Variants in UBE2G1 observed in about 807,000 individuals in gnomAD.
The protein encoded by UBE2G1 is ubiquitin-conjugating enzyme E2 G1.
A neutral mutation model predicts 22.7 loss-of-function variants in UBE2G1; 5 were observed. The observed-to-expected ratio is 0.22, with a 90% CI of 0.12 to 0.46. The LOEUF (loss-of-function observed/expected upper bound fraction) is 0.46, where lower values mean the gene tolerates loss of function less well. Among genes scored for constraint, UBE2G1 ranks in the 20% least tolerant of loss-of-function variants. The probability of loss-of-function intolerance (pLI) is 0.99; values close to 1 mark genes in which losing one functional copy is unlikely to be tolerated. For missense variants in UBE2G1, 88 were observed against 203.9 expected, an observed-to-expected ratio of 0.43 and a Z score of 3.46; for synonymous variants, 74 against 67.5, an observed-to-expected ratio of 1.10 and a Z score of -0.47.
intron 3 of UBE2G1, 91 bp from the exon 4 acceptor site, chr17:4,289,499 T>G: frequency 7.5e-7 from 1 of 1,332,690 alleles, no homozygotes; most frequent in Non-Finnish European, 1.0e-6. Flanking sequence ...ATTCACACAG[T>G]ACCTTTATCA....
chr17:4,357,500 T>TG (rs1277032992), intron 1 of UBE2G1, among the ~76,000 whole-genome samples: 2 of 11,996 alleles, frequency 1.7e-4, no homozygotes, highest in African/African-American at 5.5e-4. Context: ...GTTGTGTGTG[T>TG]GTGTGTGTGG....
intron 1 of UBE2G1, among the ~76,000 whole-genome samples, chr17:4,343,851 T>G (rs894374694): frequency 6.6e-6 from 1 of 152,072 alleles, no homozygotes; most frequent in African/African-American, 2.4e-5. Flanking sequence ...TCTCCCAAAG[T>G]GCTGGGATTA....
chr17:4,304,169 T>C (rs941583938), intron 2 of UBE2G1, among the ~76,000 whole-genome samples: 1 of 152,132 alleles, frequency 6.6e-6, no homozygotes, highest in African/African-American at 2.4e-5. Flanking sequence ...CTTATTTTTG[T>C]ATTTTTTTTT....
In UBE2G1 at chr17:4,335,761, C is replaced by T. The variant is rs139952581; in HGVS notation, c.47-28638G>A. Among the ~76,000 whole-genome samples the T allele has an allele frequency of 2.3e-3, 345 of 152,202 alleles. 1 individual carries two copies. Among genetic ancestry groups the T allele is most frequent in the African/African-American group, 7.7e-3 (319 of 41,516 alleles). ...AAATAACGAAGCACACAACCACCAA[C>T]GGTATCTTAGACATAACGAAATACA... On this transcript the variant is annotated intron_variant, in intron 1 of 5. Coordinates refer to ENST00000396981, the MANE Select transcript of UBE2G1 (RefSeq NM_003342.5).
At position 4,295,782 on chromosome 17, in the gene UBE2G1, T is replaced by G. The variant is rs530842902; in HGVS notation, c.247+935A>C. Among the ~76,000 whole-genome samples the G allele has an allele frequency of 6.6e-5, 10 of 151,628 alleles. No homozygotes were observed. In the South Asian group the frequency reaches 2.1e-3, roughly 32 times the overall value. ...CTTTATAGAGAATTTTTTTTTTAATTTTTAAATAAGACGTAGTTATTGGGG... is the reference window on the plus strand; with the variant it reads ...CTTTATAGAGAATTTTTTTTTTAATGTTTAAATAAGACGTAGTTATTGGGG... On this transcript the variant is annotated intron_variant, in intron 3 of 5. Transcript: ENST00000396981.
chr17:4,302,545 TG>T, intron 2 of UBE2G1: 2 of 394,578 alleles, frequency 5.1e-6, no homozygotes, highest in Admixed American at 2.8e-5. Flanking sequence ...TACTGGACAC[TG>T]GGGGATATTT....
chr17:4,305,278 G>T (rs1468608632), intron 2 of UBE2G1, among the ~76,000 whole-genome samples: 1 of 152,118 alleles, frequency 6.6e-6, no homozygotes, highest in Non-Finnish European at 1.5e-5. Context: ...CATGGTTCTT[G>T]GTAGCATTCT....
intron 1 of UBE2G1, among the ~76,000 whole-genome samples, chr17:4,313,813 G>A (rs1969338187): frequency 6.6e-6 from 1 of 152,118 alleles, no homozygotes. Flanking sequence ...CTGTTAAATG[G>A]GAGTTATGCT....
chr17:4,359,150 G>GAA (rs1271313745), intron 1 of UBE2G1, among the ~76,000 whole-genome samples: 1 of 151,934 alleles, frequency 6.6e-6, no homozygotes, highest in Non-Finnish European at 1.5e-5. Context: ...TTGATAAAAG[G>GAA]AAAAGTGTCT....
chr17:4,319,916 C>G (rs531779890), intron 1 of UBE2G1, among the ~76,000 whole-genome samples: 1 of 151,876 alleles, frequency 6.6e-6, no homozygotes, highest in African/African-American at 2.4e-5. Context: ...GTTACCAACC[C>G]CATGTAAATG....
In UBE2G1 at chr17:4,360,758, A is replaced by C. The variant is rs2143834290; in HGVS notation, c.46+5513T>G. Among the ~76,000 whole-genome samples, 3 of 152,204 alleles carry C rather than the reference A, an allele frequency of 2.0e-5. No homozygotes were observed. The South Asian group carries it at 6.2e-4, about 32-fold the overall frequency. The stretch of plus-strand genomic sequence containing the variant: ...GAAACCCCATCTCTACTAAAAATAC[A>C]AAATTAGCCAGGTGTAGTGGCACAT... On this transcript the variant is annotated intron_variant, in intron 1 of 5. Transcript: ENST00000396981.
chr17:4,275,129 G>A (rs896834368), intron 5 of UBE2G1, among the ~76,000 whole-genome samples: 1 of 151,992 alleles, frequency 6.6e-6, no homozygotes, highest in Non-Finnish European at 1.5e-5. Context: ...AAAATCAGGC[G>A]ACCTAGCCTT....
chr17:4,348,806 A>G (rs965825974), intron 1 of UBE2G1, among the ~76,000 whole-genome samples: 1 of 151,976 alleles, frequency 6.6e-6, no homozygotes, highest in Non-Finnish European at 1.5e-5. Flanking sequence ...GGTTGCAGTC[A>G]GCTGAGATTA....
chr17:4,307,562 T>C (rs2064341840), intron 1 of UBE2G1, among the ~76,000 whole-genome samples: 1 of 152,242 alleles, frequency 6.6e-6, no homozygotes, highest in African/African-American at 2.4e-5. Flanking sequence ...GCTTAATAAC[T>C]TTCATTTATA....
intron 1 of UBE2G1, among the ~76,000 whole-genome samples, chr17:4,315,803 T>A (rs1969362573): frequency 6.2e-5 from 2 of 32,036 alleles, no homozygotes; most frequent in South Asian, 4.2e-3. Context: ...GAGGCTCCTT[T>A]TTTTTTTTTT....
Position 4,316,756 on chromosome 17 carries a change from G to A in UBE2G1, c.47-9633C>T, listed in dbSNP as rs1295727919. On this transcript the variant is annotated intron_variant, in intron 1 of 5. Coordinates refer to ENST00000396981, the MANE Select transcript of UBE2G1 (RefSeq NM_003342.5). The stretch of plus-strand genomic sequence containing the variant: ...TCTCAGTGCTTTGGGAGGTCAAGGT[G>A]GGAGGATCGCTTAAGGGCAGGAGTT... Among the ~76,000 whole-genome samples the A allele has an allele frequency of 2.0e-5, 3 of 151,886 alleles. No homozygotes were observed. In the South Asian group the frequency reaches 6.2e-4, roughly 32 times the overall value.
intron 1 of UBE2G1, chr17:4,335,323 A>C (rs976787180): frequency 6.6e-6 from 1 of 152,168 alleles, no homozygotes; most frequent in Non-Finnish European, 1.5e-5. Flanking sequence ...GAAGTAGGTC[A>C]CCTACAAAGG....
In UBE2G1 at chr17:4,314,525, A is replaced by T. The variant is rs563453763; in HGVS notation, c.47-7402T>A. On this transcript the variant is annotated intron_variant, in intron 1 of 5. Coordinates refer to ENST00000396981, the MANE Select transcript of UBE2G1 (RefSeq NM_003342.5). The stretch of plus-strand genomic sequence containing the variant: ...AATTTTAAAAAGCAAAAGAATCAAC[A>T]TTTAGTGTGATCCTTTTTTATTACA... 1.4e-3 allele frequency among the ~76,000 whole-genome samples: 212 copies of T among 152,374 alleles called. 1 individual carries two copies. The highest frequency in any genetic ancestry group is 4.8e-3 in the African/African-American group (199 of 41,588).
intron 1 of UBE2G1, among the ~76,000 whole-genome samples, chr17:4,354,064 A>C (rs1014564693): frequency 1.3e-5 from 2 of 152,050 alleles, no homozygotes; most frequent in Non-Finnish European, 2.9e-5. Flanking sequence ...CATATACTCC[A>C]ACTACACAAC....
Sources: gnomAD v4.1 joint callset for allele counts (sites outside exome capture counted in the v4.1 genomes callset) on GRCh38, gnomAD v4.1.1 for gene constraint, MANE v1.5 for transcripts, NCBI Gene and HGNC (gene_info 2026-07-23, HGNC 2026-07-21) for gene names.